DCP1B: variants seen among roughly 807,000 people sequenced by gnomAD.
DCP1B encodes decapping mRNA 1B, also known as mRNA-decapping enzyme 1B.
DCP1B carries 47 observed loss-of-function variants against 60.5 expected under a neutral mutation model. The ratio of observed to expected loss-of-function variants is 0.78; its 90% CI spans 0.61 to 0.99. The LOEUF is 0.99. Ranked by LOEUF, DCP1B falls within the 50% of genes least tolerant of loss-of-function variation. DCP1B has a pLI of 0.00. For synonymous variants in DCP1B, 267 were observed against 280.3 expected, an observed-to-expected ratio of 0.95 and a Z score of 0.47; for missense variants, 725 against 756.8, an observed-to-expected ratio of 0.96 and a Z score of 0.49.
intron 1 of DCP1B, among the ~76,000 whole-genome samples, chr12:2,001,960 C>T (rs970501885): frequency 6.6e-6 from 1 of 152,162 alleles, no homozygotes; most frequent in Non-Finnish European, 1.5e-5. Context: ...CTGGAAAATA[C>T]CAGGGTTATG....
chr12:1,997,222 CA>C (rs2041142673), intron 2 of DCP1B, among the ~76,000 whole-genome samples: 2 of 152,102 alleles, frequency 1.3e-5, no homozygotes, highest in Admixed American at 6.5e-5. Context: ...TTTAAAGAGT[CA>C]GGGGTGGGAG....
intron 2 of DCP1B, among the ~76,000 whole-genome samples, chr12:1,996,616 TAAAAAAAAAAAAAAAAAAAAAAA>T (rs78563698): frequency 2.7e-4 from 5 of 18,832 alleles, no homozygotes; most frequent in South Asian, 2.8e-3. Flanking sequence ...GCTGATGAGC[TAAAAAAAAAAAAAAAAAAAAAAA>T]AAAAAAAAAA....
At chr12:1,977,153 C>T (rs1039357461) in intron 3 of DCP1B, among the ~76,000 whole-genome samples, 24 of 152,146 alleles carry the variant, frequency 1.6e-4, no homozygotes, top group South Asian at 2.1e-4. Flanking sequence ...TAAGAAAAGA[C>T]GTAACAAAGT....
downstream of DCP1B, among the ~76,000 whole-genome samples, chr12:1,942,311 A>G (rs1188912379): frequency 6.6e-6 from 1 of 152,206 alleles, no homozygotes; most frequent in Non-Finnish European, 1.5e-5. Context: ...GAAACATACA[A>G]AGAGACTTAG....
rs745712975 is a variant in DCP1B, at chr12:1,949,349, TAC to T, written c.1525-17_1525-16del. On this transcript the variant is annotated splice_polypyrimidine_tract_variant and intron_variant, in intron 7 of 8. Transcript: ENST00000280665. ...GGTGAGATGACCTGCTCACAGCAAA[TAC>T]ACACAGAGAGCGGGGTTCAGGAGCA... 7 of 1,611,548 alleles carry T rather than the reference TAC, an allele frequency of 4.3e-6. No individual in the cohort carries two copies. The East Asian group carries it at 1.1e-4, about 26-fold the overall frequency.
intron 1 of DCP1B, among the ~76,000 whole-genome samples, chr12:2,001,598 T>C (rs1291593500): frequency 6.6e-6 from 1 of 152,180 alleles, no homozygotes; most frequent in African/African-American, 2.4e-5. Context: ...TCTCAACTTA[T>C]CCTCCCAAAT....
intron 5 of DCP1B, among the ~76,000 whole-genome samples, chr12:1,964,729 T>A (rs1310605831): frequency 6.6e-6 from 1 of 152,226 alleles, no homozygotes; most frequent in African/African-American, 2.4e-5. Flanking sequence ...CTAGATTTCA[T>A]ATACAATTGG....
chr12:1,958,819 GA>G (rs2031007228), intron 5 of DCP1B, among the ~76,000 whole-genome samples: 1 of 103,392 alleles, frequency 9.7e-6, no homozygotes, highest in African/African-American at 4.3e-5. Flanking sequence ...AAACCTCCTG[GA>G]AGGAAACAGG....
At chr12:2,003,419 AATGG>A (rs1315816834) in intron 1 of DCP1B, among the ~76,000 whole-genome samples, 1 of 152,232 alleles carries the variant, frequency 6.6e-6, no homozygotes, top group Admixed American at 6.5e-5. Flanking sequence ...TGTGATACAT[AATGG>A]ATGATGAATA....
At position 1,971,761 on chromosome 12, in the gene DCP1B, T is replaced by C. The variant is rs2154458100; in HGVS notation, c.320-3851A>G. ...GCATGGTGCATTAGTTCATTTTGCA[T>C]GTTCTTTGGGGATTTGCCTTATCTC... is the stretch of plus-strand genomic sequence containing the variant. On this transcript the variant is annotated intron_variant, in intron 3 of 8. Coordinates refer to ENST00000280665, the MANE Select transcript of DCP1B (RefSeq NM_152640.5). This position sits in a 1 kb window ranked among gnomAD's most constrained non-coding sequence, Gnocchi z 4.2. 6.6e-6 allele frequency among the ~76,000 whole-genome samples: 1 copy of C among 152,376 alleles called. No individual in the cohort carries two copies. Among genetic ancestry groups the C allele is most frequent in the East Asian group, 1.9e-4 (1 of 5,184 alleles).
Position 1,968,440 on chromosome 12 carries a change from G to A in DCP1B, c.320-530C>T, listed in dbSNP as rs2031494313. ...AAGACGCGCACCCACACACATTGAA[G>A]AAACTGTGCTCCGCGTGAAAACATG... On this transcript the variant is annotated intron_variant, in intron 3 of 8. Coordinates refer to ENST00000280665, the MANE Select transcript of DCP1B (RefSeq NM_152640.5). Among the ~76,000 whole-genome samples, 4 of 150,696 alleles carry A rather than the reference G, an allele frequency of 2.7e-5. No homozygotes were observed. In the South Asian group the frequency reaches 6.3e-4, roughly 24 times the overall value.
At chr12:1,990,258 C>T (rs1393512475) in intron 3 of DCP1B, among the ~76,000 whole-genome samples, 1 of 152,158 alleles carries the variant, frequency 6.6e-6, no homozygotes, top group Non-Finnish European at 1.5e-5. Context: ...GTTTGGCAGA[C>T]AGTAAATGTT....
downstream of DCP1B, among the ~76,000 whole-genome samples, chr12:1,944,800 C>A (rs970810166): frequency 8.0e-5 from 9 of 112,072 alleles, no homozygotes; most frequent in Non-Finnish European, 1.8e-4. Flanking sequence ...GGATTAAAGA[C>A]TTAAATGTAA....
rs113130073 is a variant in DCP1B, at chr12:1,962,637, AT to A, written c.522+2920del. On this transcript the variant is annotated intron_variant, in intron 5 of 8. Coordinates refer to ENST00000280665, the MANE Select transcript of DCP1B (RefSeq NM_152640.5). The surrounding 1 kb of genome is among the most constrained non-coding windows in gnomAD (Gnocchi z 4.4). ...TTCAACTAGTTGCCAAGTCATCATA[AT>A]TTTTTTTAATGACTTTTGAAGAATT... Among the ~76,000 whole-genome samples the A allele has an allele frequency of 0.027, 4,150 of 152,078 alleles. 96 individuals carry two copies. Among genetic ancestry groups the A allele is most frequent in the Middle Eastern group, 0.054 (16 of 294 alleles).
rs888388314 is a variant in DCP1B, at chr12:1,962,030, G to A, written c.522+3528C>T. ...GGCATGCCACGCTGCACAGGGCCAC[G>A]TGTGGAAGCCTCAGGGTGTCAGCAG... On this transcript the variant is annotated intron_variant, in intron 5 of 8. Transcript: ENST00000280665. This position sits in a 1 kb window ranked among gnomAD's most constrained non-coding sequence, Gnocchi z 4.4. Among the ~76,000 whole-genome samples the A allele has an allele frequency of 6.6e-6, 1 of 152,180 alleles. No individual in the cohort carries two copies. The highest frequency in any genetic ancestry group is 1.5e-5 in the Non-Finnish European group (1 of 68,020).
Position 1,946,239 on chromosome 12 carries a change from G to A in DCP1B, c.1821C>T (p.Ser607=). The part of the protein sequence containing the change: ...LNIIYEAYLF[S]MTQAAMKKTM Reference sequence around the variant, plus strand: ...TCTTTTTCATGGCTGCTTGAGTCATGCTGAAGAGATAGGCTTCATAGATTA... The same window carrying A: ...TCTTTTTCATGGCTGCTTGAGTCATACTGAAGAGATAGGCTTCATAGATTA... The change falls in exon 9 of 9, where the codon AGC becomes AGT. Residue 607 remains serine (S), a synonymous_variant. Transcript: ENST00000280665. The A allele has an allele frequency of 6.2e-7, 1 of 1,608,556 alleles. No individual in the cohort carries two copies. Among genetic ancestry groups the A allele is most frequent in the Non-Finnish European group, 8.5e-7 (1 of 1,177,938 alleles).
At chr12:1,987,485 C>T (rs1405448641) in intron 3 of DCP1B, among the ~76,000 whole-genome samples, 1 of 152,134 alleles carries the variant, frequency 6.6e-6, no homozygotes, top group Non-Finnish European at 1.5e-5. Flanking sequence ...ATACTGTGAA[C>T]TTCATAGCAA....
chr12:1,953,358 A>G, intron 6 of DCP1B, 70 bp from the exon 7 acceptor site: 1 of 1,437,694 alleles, frequency 7.0e-7, no homozygotes. Flanking sequence ...GCTATGAAAC[A>G]TAACTTATCT....
intron 6 of DCP1B, 22 bp from the exon 7 acceptor site, chr12:1,953,310 G>A (rs774742928): frequency 3.9e-6 from 6 of 1,540,096 alleles, no homozygotes; most frequent in Non-Finnish European, 5.2e-6. Context: ...AAAGATATCT[G>A]ACATGAGTCT....
Sources: allele counts gnomAD v4.1 joint callset (sites outside exome capture counted in the v4.1 genomes callset), GRCh38; gene constraint gnomAD v4.1.1; non-coding constraint Gnocchi (gnomAD v3.1); transcripts MANE v1.5; gene names NCBI Gene and HGNC (gene_info 2026-07-23, HGNC 2026-07-21).